The following EPS8L3 variants were observed in gnomAD, a reference collection of about 807,000 sequenced individuals.
The protein encoded by EPS8L3 is epidermal growth factor receptor kinase substrate 8-like protein 3.
Under a neutral mutation model 88.5 loss-of-function variants are expected in EPS8L3, and 80 were observed. The observed-to-expected ratio is 0.90, with a 90% CI of 0.75 to 1.09. The LOEUF (loss-of-function observed/expected upper bound fraction) is 1.09, where lower values mean the gene tolerates loss of function less well. Among genes scored for constraint, EPS8L3 ranks in the 50% least tolerant of loss-of-function variants. EPS8L3 has a pLI of 0.00. For missense variants in EPS8L3, 721 were observed against 735.2 expected (o/e 0.98, Z 0.22); for synonymous variants, 286 against 291.0 (o/e 0.98, Z 0.18).
intron 12 of EPS8L3, 67 bp downstream of exon 12, chr1:109,756,950 C>G: frequency 6.2e-7 from 1 of 1,603,404 alleles, no homozygotes; most frequent in Non-Finnish European, 8.5e-7. Flanking sequence ...CTGGCCACCT[C>G]TGATGTCCTG....
chr1:109,757,421 C>G, intron 11 of EPS8L3, 60 bp downstream of exon 11: 1 of 1,523,106 alleles, frequency 6.6e-7, no homozygotes, highest in Non-Finnish European at 9.1e-7. Context: ...CCTTTCCTCT[C>G]TCTACTCCTT....
chr1:109,752,987 G>A (rs555662668), intron 13 of EPS8L3, 130 bp downstream of exon 13: 2 of 842,826 alleles, frequency 2.4e-6, no homozygotes, highest in East Asian at 2.6e-5. Context: ...TGACTTTTGG[G>A]TTTCCATGGA....
Position 109,761,758 on chromosome 1 carries a change from T to C in EPS8L3, c.-9A>G. On this transcript the variant is annotated 5_prime_UTR_variant, in exon 2 of 19. Transcript: ENST00000361965. ...CTGCTGGGCCTTGACATGTTGACGC[T>C]GCTGAGGACGGCTCCCTAGAACCCA... The C allele has an allele frequency of 1.2e-6, 2 of 1,613,896 alleles. No homozygotes were observed. Among genetic ancestry groups the C allele is most frequent in the Non-Finnish European group, 1.7e-6 (2 of 1,179,964 alleles).
chr1:109,756,220 C>T (rs1388766278), intron 12 of EPS8L3, among the ~76,000 whole-genome samples: 3 of 152,164 alleles, frequency 2.0e-5, no homozygotes, highest in Non-Finnish European at 4.4e-5. Context: ...TCCCCTGGCT[C>T]TCATCCGTTT....
At chr1:109,751,952 A>C in intron 15 of EPS8L3, 43 bp downstream of exon 15, 1 of 1,566,818 alleles carries the variant, frequency 6.4e-7, no homozygotes, top group East Asian at 2.2e-5. Flanking sequence ...TGTAGCTCCC[A>C]CCAACCACCA....
Position 109,758,184 on chromosome 1 carries a change from G to A in EPS8L3, c.718-126C>T. The A allele has an allele frequency of 7.1e-6, 9 of 1,266,592 alleles. No individual in the cohort carries two copies. In the South Asian group the frequency reaches 1.0e-4, roughly 15 times the overall value. 78.5% of individuals were successfully genotyped at this position (1,266,592 alleles called of 1,614,324 possible). On this transcript the variant is annotated intron_variant, in intron 8 of 18. Coordinates refer to ENST00000361965, the MANE Select transcript of EPS8L3 (RefSeq NM_133181.4). ...CAGGCCCAGCCTGGAGTATAAACAA[G>A]CCTCTCTGGCCTCCTGGCCCAGGCC... is the stretch of plus-strand genomic sequence containing the variant.
Position 109,757,815 on chromosome 1 carries a change from C to G in EPS8L3, c.881G>C (p.Ser294Thr). Residue 294 changes from serine (S) to threonine (T), a missense_variant, in exon 10 of 19, where the codon AGC becomes ACC. Physicochemically the swap from Ser to Thr is moderately conservative, Grantham distance 58. Coordinates refer to ENST00000361965, the MANE Select transcript of EPS8L3 (RefSeq NM_133181.4). ...YIDCFQKIKH[S>T]FNLLGRLATW... ...GGAGCCACCTACCAGGAGGTTGAAG[C>G]TGTGCTTGATCTTCTGGAAGCAGTC... 6.2e-7 allele frequency: 1 copy of G among 1,614,124 alleles called. No individual in the cohort carries two copies.
chr1:109,757,425 ACTC>A, intron 11 of EPS8L3, 53 bp downstream of exon 11: 8 of 1,522,672 alleles, frequency 5.3e-6, no homozygotes, highest in Non-Finnish European at 7.3e-6. Flanking sequence ...TCCTCTCTCT[ACTC>A]CTTCTTGACT....
intron 17 of EPS8L3, 40 bp downstream of exon 17, chr1:109,751,238 A>G (rs1649758513): frequency 1.9e-6 from 3 of 1,592,638 alleles, no homozygotes; most frequent in Non-Finnish European, 2.6e-6. Context: ...AGCCCTTTAC[A>G]AAGTTTCTCC....
chr1:109,750,382 A>C lies in EPS8L3; in HGVS notation c.*9T>G. 1.9e-6 allele frequency: 3 copies of C among 1,613,794 alleles called. No homozygotes were observed. The highest frequency in any genetic ancestry group is 2.5e-6 in the Non-Finnish European group (3 of 1,179,888). ...GGGGCCTGGTTCTTGGAGGTGTCTAAGCTGGTGCCTAAGGGCTTATCTGAG... is the reference window on the plus strand; with the variant it reads ...GGGGCCTGGTTCTTGGAGGTGTCTACGCTGGTGCCTAAGGGCTTATCTGAG... On this transcript the variant is annotated 3_prime_UTR_variant, in exon 19 of 19. Coordinates refer to ENST00000361965, the MANE Select transcript of EPS8L3 (RefSeq NM_133181.4).
chr1:109,754,055 A>C (rs946824818), intron 12 of EPS8L3, among the ~76,000 whole-genome samples: 2 of 152,022 alleles, frequency 1.3e-5, no homozygotes, highest in Non-Finnish European at 2.9e-5. Flanking sequence ...CCTCTTCTCA[A>C]TTTTCTTAAT....
chr1:109,750,357 G>A lies in EPS8L3; in HGVS notation c.*34C>T, dbSNP rs201481368. On this transcript the variant is annotated 3_prime_UTR_variant, in exon 19 of 19. Coordinates refer to ENST00000361965, the MANE Select transcript of EPS8L3 (RefSeq NM_133181.4). ...ATCAGATCTGCCATCTTGCATCAGCGGGGCCTGGTTCTTGGAGGTGTCTAA... is the reference window on the plus strand; with the variant it reads ...ATCAGATCTGCCATCTTGCATCAGCAGGGCCTGGTTCTTGGAGGTGTCTAA... 273 of 1,613,028 alleles carry A rather than the reference G, an allele frequency of 1.7e-4. No individual in the cohort carries two copies. The African/African-American group carries it at 2.9e-3, about 17-fold the overall frequency.
chr1:109,753,930 G>A (rs937906176), intron 12 of EPS8L3, among the ~76,000 whole-genome samples: 3 of 152,134 alleles, frequency 2.0e-5, no homozygotes, highest in African/African-American at 4.8e-5. Context: ...ATGATTCTTA[G>A]CTCTTTGTTT....
At chr1:109,752,374 A>G in intron 14 of EPS8L3, 181 bp from the exon 15 acceptor site, 1 of 635,950 alleles carries the variant, frequency 1.6e-6, no homozygotes, top group Non-Finnish European at 2.7e-6. Flanking sequence ...GGGGTCTGAA[A>G]TGTCATTGAT....
At chr1:109,762,128 G>A (rs1651041408) in intron 1 of EPS8L3, among the ~76,000 whole-genome samples, 2 of 152,158 alleles carry the variant, frequency 1.3e-5, no homozygotes, top group South Asian at 4.1e-4. Flanking sequence ...TCCTATCTTG[G>A]GCCTGGGTAT....
chr1:109,760,418 C>A (rs1029442808), intron 3 of EPS8L3, among the ~76,000 whole-genome samples: 1 of 152,138 alleles, frequency 6.6e-6, no homozygotes, highest in Non-Finnish European at 1.5e-5. Flanking sequence ...CTCCCTTCTC[C>A]CAGCCAAACA....
rs1277937144 is a variant in EPS8L3, at chr1:109,752,693, A to G, written c.1228T>C (p.Ser410Pro). The change falls in exon 14 of 19, where the codon TCC (serine) becomes CCC (proline). Residue 410 changes from serine to proline, a missense_variant. Transcript: ENST00000361965. The stretch of plus-strand genomic sequence containing the variant: ...ATTAAGCTCAGAGCATACCGAAGGG[A>G]AACAGGGTCCTGGTATCCTAAGGGT... ...QAPLGYQDPVSLRRGSHRLGS... is the reference protein window; with the variant it reads ...QAPLGYQDPVPLRRGSHRLGS... The G allele has an allele frequency of 6.4e-7, 1 of 1,551,900 alleles. No individual in the cohort carries two copies. The highest frequency in any genetic ancestry group is 1.2e-5 in the South Asian group (1 of 84,062).
At chr1:109,753,403 G>A (rs1452633154) in intron 12 of EPS8L3, among the ~76,000 whole-genome samples, 1 of 152,184 alleles carries the variant, frequency 6.6e-6, no homozygotes, top group African/African-American at 2.4e-5. Flanking sequence ...CACGGTGCAG[G>A]TGTCTGGGGG....
In EPS8L3 at chr1:109,761,867, G is replaced by T. The variant is rs552454011; in HGVS notation, c.-24-94C>A. On this transcript the variant is annotated intron_variant, in intron 1 of 18. Transcript: ENST00000361965. ...GGACAGTTGCTATTGCTCTGACTGG[G>T]GGCCTCTGGGACCAGACCCAAAGCC... 20 of 1,141,110 alleles carry T rather than the reference G, an allele frequency of 1.8e-5. No individual in the cohort carries two copies. The East Asian group carries it at 4.9e-4, about 28-fold the overall frequency. The allele number at this position is 1,141,110 out of a possible 1,614,324, so 70.7% of individuals were successfully genotyped here.
Sources: gnomAD v4.1 joint callset for allele counts (sites outside exome capture counted in the v4.1 genomes callset) on GRCh38, gnomAD v4.1.1 for gene constraint, MANE v1.5 for transcripts, NCBI Gene and HGNC (gene_info 2026-07-23, HGNC 2026-07-21) for gene names.